The following RANBP2 variants were observed in gnomAD, a reference collection of about 807,000 sequenced individuals.
RANBP2 encodes RAN binding protein 2.
RANBP2 carries 57 observed loss-of-function variants against 303.6 expected under a neutral mutation model. The observed-to-expected ratio is 0.19, with a 90% CI of 0.15 to 0.23. The LOEUF is 0.23. Ranked by LOEUF, RANBP2 falls within the 10% of genes least tolerant of loss-of-function variation. RANBP2 has a pLI of 1.00. For synonymous variants in RANBP2, 1,167 were observed against 1,301.5 expected (o/e 0.90, Z 2.23); for missense variants, 3,138 against 3,780.8 (o/e 0.83, Z 4.46).
At chr2:108,821,490 T>G in the RANBP2 span, among the ~76,000 whole-genome samples, 2 of 152,096 alleles carry the variant, frequency 1.3e-5, no homozygotes, top group Non-Finnish European at 2.9e-5. Context: ...TGTAATTGAT[T>G]GCAAAGAAAA....
chr2:108,875,078 A>C, the RANBP2 span, among the ~76,000 whole-genome samples: 1 of 152,066 alleles, frequency 6.6e-6, no homozygotes, highest in Non-Finnish European at 1.5e-5. Flanking sequence ...GCTCAAGCAG[A>C]TCTTAAAATA....
the RANBP2 span, among the ~76,000 whole-genome samples, chr2:109,693,337 T>C: frequency 1.3e-5 from 2 of 152,100 alleles, no homozygotes; most frequent in Non-Finnish European, 2.9e-5. Context: ...CATGCCCAGC[T>C]GTTTTTTTCT....
chr2:109,232,987 G>A, the RANBP2 span, among the ~76,000 whole-genome samples: 2 of 152,088 alleles, frequency 1.3e-5, no homozygotes, highest in African/African-American at 4.8e-5. Context: ...GGTGTGGCTT[G>A]CTTACTTGGC....
the RANBP2 span, among the ~76,000 whole-genome samples, chr2:108,807,399 T>A: frequency 1.3e-5 from 2 of 152,168 alleles, no homozygotes; most frequent in African/African-American, 4.8e-5. Context: ...ATTGACATAA[T>A]TATGCATAAT....
At chr2:109,521,289 T>G in the RANBP2 span, among the ~76,000 whole-genome samples, 54 of 151,648 alleles carry the variant, frequency 3.6e-4, no homozygotes, top group African/African-American at 1.3e-3. Context: ...GACCTTCAGA[T>G]GAAGCCAAGA....
the RANBP2 span, among the ~76,000 whole-genome samples, chr2:109,672,802 A>G: frequency 6.6e-6 from 1 of 152,228 alleles, no homozygotes; most frequent in Non-Finnish European, 1.5e-5. Flanking sequence ...ATCAATAGAT[A>G]GCTTATTTTA....
At chr2:109,510,821 G>A in the RANBP2 span, among the ~76,000 whole-genome samples, 2 of 152,348 alleles carry the variant, frequency 1.3e-5, 1 homozygote, top group Admixed American at 1.3e-4. Flanking sequence ...AGCAAGAGAG[G>A]CTTTCCTGCA....
At chr2:109,201,221 T>C in the RANBP2 span, among the ~76,000 whole-genome samples, 1 of 152,252 alleles carries the variant, frequency 6.6e-6, no homozygotes, top group Non-Finnish European at 1.5e-5. Flanking sequence ...GTTTTGCCTC[T>C]TCTGCACTTA....
At chr2:109,750,591 C>T in the RANBP2 span, among the ~76,000 whole-genome samples, 1 of 30,160 alleles carries the variant, frequency 3.3e-5, no homozygotes, top group Non-Finnish European at 6.2e-5. Flanking sequence ...GCTACCCTGC[C>T]CTTCTCTCTT....
chr2:108,839,202 A>G, the RANBP2 span: 5 of 1,609,984 alleles, frequency 3.1e-6, no homozygotes, highest in Non-Finnish European at 4.2e-6. Context: ...CTCTAATGAC[A>G]GAGCAGCTAC....
the RANBP2 span, among the ~76,000 whole-genome samples, chr2:109,406,699 A>G: frequency 6.6e-6 from 1 of 152,192 alleles, no homozygotes; most frequent in African/African-American, 2.4e-5. Flanking sequence ...TAAGACCCAC[A>G]CAGCCTGAAA....
In RANBP2 at chr2:108,766,371, T is replaced by C; in HGVS notation, c.5832T>C (p.Thr1944=). 2 of 1,612,002 alleles carry C rather than the reference T, an allele frequency of 1.2e-6. No homozygotes were observed. Among genetic ancestry groups the C allele is most frequent in the Non-Finnish European group, 1.7e-6 (2 of 1,179,858 alleles). ...RGVIFGQTSS[T]FTFADLAKST... The stretch of plus-strand genomic sequence containing the variant: ...TGATTTTTGGCCAAACAAGTAGCAC[T>C]TTTACATTTGCAGATCTTGCAAAAT... Residue 1944 remains threonine, a synonymous_variant, in exon 20 of 29, where the codon ACT becomes ACC. Transcript: ENST00000283195.
chr2:109,120,857 T>C, the RANBP2 span, among the ~76,000 whole-genome samples: 5 of 152,126 alleles, frequency 3.3e-5, no homozygotes, highest in Admixed American at 2.0e-4. Context: ...AAGTACTTCT[T>C]CCTGGTACAG....
At chr2:109,398,776 A>G in the RANBP2 span, 3 of 1,613,782 alleles carry the variant, frequency 1.9e-6, no homozygotes, top group Admixed American at 5.0e-5. Context: ...GAACACCAAG[A>G]AACGCCACTC....
At chr2:109,085,236 C>T in the RANBP2 span, among the ~76,000 whole-genome samples, 2 of 152,208 alleles carry the variant, frequency 1.3e-5, no homozygotes, top group East Asian at 3.8e-4. Context: ...GCAGGGGGCA[C>T]ATCAGTGATC....
At chr2:109,122,856 G>A in the RANBP2 span, among the ~76,000 whole-genome samples, 1 of 152,166 alleles carries the variant, frequency 6.6e-6, no homozygotes, top group Non-Finnish European at 1.5e-5. Flanking sequence ...GGGTGAAAGA[G>A]GGAGACCCTG....
the RANBP2 span, among the ~76,000 whole-genome samples, chr2:108,948,300 A>G: frequency 6.6e-6 from 1 of 152,240 alleles, no homozygotes; most frequent in African/African-American, 2.4e-5. Context: ...ACAAGTCTGT[A>G]GGAAGTTCCA....
chr2:109,110,723 C>T, the RANBP2 span, among the ~76,000 whole-genome samples: 3 of 152,312 alleles, frequency 2.0e-5, no homozygotes, highest in South Asian at 4.1e-4. Context: ...TTTCATGTTT[C>T]TGTTTCTCTG....
chr2:108,751,237 T>G (rs749433272), intron 9 of RANBP2, 27 bp from the exon 10 acceptor site: 19 of 1,611,828 alleles, frequency 1.2e-5, no homozygotes, highest in Non-Finnish European at 1.5e-5. Context: ...TTCAAACCCT[T>G]AAGCCAATTT....
Sources: allele counts gnomAD v4.1 joint callset (sites outside exome capture counted in the v4.1 genomes callset), GRCh38; gene constraint gnomAD v4.1.1; transcripts MANE v1.5; gene names NCBI Gene and HGNC (gene_info 2026-07-23, HGNC 2026-07-21).